Variants in CFAP44 observed in about 807,000 individuals in gnomAD.
CFAP44 encodes the protein cilia and flagella associated protein 44, also known as cilia- and flagella-associated protein 44.
Under a neutral mutation model 216.2 loss-of-function variants are expected in CFAP44, and 134 were observed. The observed-to-expected ratio is 0.62, with a 90% confidence interval of 0.54 to 0.72. The LOEUF (loss-of-function observed/expected upper bound fraction) is 0.72. Ranked by LOEUF, CFAP44 falls within the 30% of genes least tolerant of loss-of-function variation. The probability of loss-of-function intolerance (pLI) is 0.00; values close to 1 mark genes in which losing one functional copy is unlikely to be tolerated. For synonymous variants in CFAP44, 700 were observed against 727.6 expected (o/e 0.96, Z 0.61); for missense variants, 2,035 against 2,182.1 (o/e 0.93, Z 1.34).
intron 15 of CFAP44, among the ~76,000 whole-genome samples, chr3:113,390,086 G>A (rs61007952): frequency 6.6e-6 from 1 of 152,106 alleles, no homozygotes; most frequent in Non-Finnish European, 1.5e-5. Flanking sequence ...GAATATTGAT[G>A]CAAAACCTCA....
At chr3:113,405,489 G>A (rs1334760240) in intron 8 of CFAP44, among the ~76,000 whole-genome samples, 2 of 151,970 alleles carry the variant, frequency 1.3e-5, no homozygotes, top group Non-Finnish European at 2.9e-5. Context: ...GGCATTTTAT[G>A]GCCAAATTTG....
At chr3:113,316,519 T>A (rs1337137912) in intron 28 of CFAP44, among the ~76,000 whole-genome samples, 1 of 151,908 alleles carries the variant, frequency 6.6e-6, no homozygotes, top group Admixed American at 6.6e-5. Context: ...CTTGAAAAGA[T>A]CAGTTGAATT....
At chr3:113,306,059 G>A in intron 30 of CFAP44, 142 bp downstream of exon 30, 3 of 1,017,944 alleles carry the variant, frequency 2.9e-6, no homozygotes, top group Non-Finnish European at 4.0e-6. Context: ...CACAATTTAG[G>A]GAGAAAAAAA....
At chr3:113,312,059 CTG>C (rs1220826716) in intron 28 of CFAP44, among the ~76,000 whole-genome samples, 7 of 145,788 alleles carry the variant, frequency 4.8e-5, no homozygotes, top group East Asian at 2.0e-4. Flanking sequence ...TTGTGTGTGT[CTG>C]TGTGTGTGTG....
intron 22 of CFAP44, among the ~76,000 whole-genome samples, chr3:113,345,979 A>G (rs920485476): frequency 2.0e-5 from 3 of 152,180 alleles, no homozygotes; most frequent in Admixed American, 6.5e-5. Context: ...GCCCACTGGA[A>G]CTTTTAAATT....
At position 113,287,131 on chromosome 3, in the gene CFAP44, T is replaced by A; in HGVS notation, c.*4426A>T. ...CACAGGCTGGCGCGGGACAGACTCCTAACCTGGGGCCTCTGCAGTGGCAGG... is the reference window on the plus strand; with the variant it reads ...CACAGGCTGGCGCGGGACAGACTCCAAACCTGGGGCCTCTGCAGTGGCAGG... On this transcript the variant is annotated 3_prime_UTR_variant, in exon 35 of 35. Transcript: ENST00000393845. The A allele has an allele frequency of 2.1e-6, 1 of 471,712 alleles. No individual in the cohort carries two copies. Among genetic ancestry groups the A allele is most frequent in the Non-Finnish European group, 4.1e-6 (1 of 244,832 alleles). 29.2% of individuals were successfully genotyped at this position (471,712 alleles called of 1,614,324 possible). A position where few individuals can be genotyped will look rare whatever the true frequency, so the allele number is the denominator to read the frequency against.
At chr3:113,375,308 C>G (rs561804274) in intron 17 of CFAP44, among the ~76,000 whole-genome samples, 1 of 152,222 alleles carries the variant, frequency 6.6e-6, no homozygotes, top group East Asian at 1.9e-4. Flanking sequence ...GAGCTGTACA[C>G]TTAAAAATGG....
Position 113,291,638 on chromosome 3 carries a change from A to G in CFAP44, c.5484T>C (p.Ala1828=), listed in dbSNP as rs1050259271. 11 of 1,537,222 alleles carry G rather than the reference A, an allele frequency of 7.2e-6. No individual in the cohort carries two copies. Among genetic ancestry groups the G allele is most frequent in the Non-Finnish European group, 8.7e-6 (10 of 1,146,954 alleles). The change falls in exon 35 of 35, where the codon GCT becomes GCC. Residue 1828 remains alanine, a synonymous_variant. Coordinates refer to ENST00000393845, the MANE Select transcript of CFAP44 (RefSeq NM_001164496.2). ...ERISALKEEI[A]LLRRKGSLIL... is the part of the protein sequence containing the mutation. Reference sequence around the variant, plus strand: ...TAAGACTGCCTTTCCTACGCAAAAGAGCAATCTCCTCCTTTAAGGCCGAAA... The same window carrying G: ...TAAGACTGCCTTTCCTACGCAAAAGGGCAATCTCCTCCTTTAAGGCCGAAA...
rs561996537 is a variant in CFAP44 at position 113,436,310 on chromosome 3, G to A, written c.-5-2641C>T. ...GTTTGGTTATAAATGACCACATACT[G>A]TGGGTAAAATTGTTTAGATACACAC... On this transcript the variant is annotated intron_variant, in intron 1 of 34. Coordinates refer to ENST00000393845, the MANE Select transcript of CFAP44 (RefSeq NM_001164496.2). Among the ~76,000 whole-genome samples, 63 of 152,152 alleles carry A rather than the reference G, an allele frequency of 4.1e-4. 1 individual carries two copies. Among genetic ancestry groups the A allele is most frequent in the Non-Finnish European group, 7.8e-4 (53 of 68,010 alleles).
intron 4 of CFAP44, among the ~76,000 whole-genome samples, chr3:113,421,927 C>A (rs997290933): frequency 2.6e-5 from 4 of 152,028 alleles, no homozygotes; most frequent in African/African-American, 7.2e-5. Context: ...AAGCCCTAAC[C>A]TCAGTATCAC....
At chr3:113,423,680 T>C (rs898800748) in intron 4 of CFAP44, among the ~76,000 whole-genome samples, 2 of 152,218 alleles carry the variant, frequency 1.3e-5, no homozygotes, top group African/African-American at 4.8e-5. Flanking sequence ...TCTTTTAAAA[T>C]TATACCATGG....
intron 23 of CFAP44, 89 bp from the exon 24 acceptor site, chr3:113,342,007 A>G (rs1160957715): frequency 1.8e-5 from 25 of 1,356,244 alleles, no homozygotes; most frequent in Non-Finnish European, 2.0e-5. Context: ...ATTAGAAAAA[A>G]CACAGAGAAT....
chr3:113,366,866 C>T (rs928830100), intron 18 of CFAP44, among the ~76,000 whole-genome samples: 5 of 152,192 alleles, frequency 3.3e-5, no homozygotes, highest in South Asian at 2.1e-4. Context: ...CCAAATACTG[C>T]GCTTTTCAAA....
chr3:113,418,933 T>C (rs1261742175), intron 5 of CFAP44, among the ~76,000 whole-genome samples: 1 of 152,012 alleles, frequency 6.6e-6, no homozygotes, highest in Non-Finnish European at 1.5e-5. Flanking sequence ...CTTGATCTCC[T>C]GACCTCGTGA....
intron 18 of CFAP44, among the ~76,000 whole-genome samples, 175 bp downstream of exon 18, chr3:113,373,236 T>C (rs1265800255): frequency 6.6e-6 from 1 of 152,238 alleles, no homozygotes; most frequent in African/African-American, 2.4e-5. Context: ...GGTATTTAAA[T>C]ATAATTTCAG....
At chr3:113,337,367 A>T (rs1426339600) in intron 24 of CFAP44, among the ~76,000 whole-genome samples, 1 of 152,122 alleles carries the variant, frequency 6.6e-6, no homozygotes, top group Non-Finnish European at 1.5e-5. Flanking sequence ...CACAATAAAG[A>T]TACAAATTCT....
rs1430530031 is a variant in CFAP44 at position 113,290,386 on chromosome 3, A to C, written c.*1171T>G. 6.6e-6 allele frequency: 1 copy of C among 152,246 alleles called. No individual in the cohort carries two copies. The highest frequency in any genetic ancestry group is 1.5e-5 in the Non-Finnish European group (1 of 68,048). 9.4% of individuals were successfully genotyped at this position (152,246 alleles called of 1,614,324 possible). A position where few individuals can be genotyped will look rare whatever the true frequency, so the allele number is the denominator to read the frequency against. ...AGACCTGTCTGTAATTTTGGGGGGCACATTAGCAGGCTAATCACAGGTGAG... is the reference window on the plus strand; with the variant it reads ...AGACCTGTCTGTAATTTTGGGGGGCCCATTAGCAGGCTAATCACAGGTGAG... On this transcript the variant is annotated 3_prime_UTR_variant, in exon 35 of 35. Transcript: ENST00000393845.
intron 8 of CFAP44, among the ~76,000 whole-genome samples, chr3:113,405,377 G>T (rs1032837299): frequency 1.3e-5 from 2 of 152,118 alleles, no homozygotes; most frequent in Admixed American, 1.3e-4. Flanking sequence ...TTTTCCATTT[G>T]TTCTGAGAAG....
rs1164485440 is a variant in CFAP44, at chr3:113,373,456, T to C, written c.2399A>G (p.Tyr800Cys). 2 of 1,608,852 alleles carry C rather than the reference T, an allele frequency of 1.2e-6. No homozygotes were observed. Among genetic ancestry groups the C allele is most frequent in the African/African-American group, 2.7e-5 (2 of 74,806 alleles). Residue 800 changes from tyrosine to cysteine, a missense_variant, in exon 18 of 35, where the codon TAT (tyrosine) becomes TGT (cysteine). By Grantham distance (194) the Tyr-to-Cys change is radical (BLOSUM62 -2). Around this residue, in one of 3 missense-constraint regions of CFAP44, gnomAD observed 1,883 missense variants for 2,023.7 expected, o/e 0.93. Coordinates refer to ENST00000393845, the MANE Select transcript of CFAP44 (RefSeq NM_001164496.2). ...GGGATTGTCCTCTGTATCCGCAAGA[T>C]AACGGACATCAATAGGTTCATCTTT... is the stretch of plus-strand genomic sequence containing the variant. ...EQKDEPIDVR[Y>C]LADTEDNPIQ...
Sources: gnomAD v4.1 joint callset for allele counts (sites outside exome capture counted in the v4.1 genomes callset) on GRCh38, gnomAD v4.1.1 for gene constraint, gnomAD v4.1.1 regional missense constraint, MANE v1.5 for transcripts, NCBI Gene and HGNC (gene_info 2026-07-23, HGNC 2026-07-21) for gene names.